Variants in DNAJC12 observed in about 807,000 individuals in gnomAD.
DNAJC12 encodes dnaJ homolog subfamily C member 12.
Under a neutral mutation model 28.5 loss-of-function variants are expected in DNAJC12, and 25 were observed. The ratio of observed to expected loss-of-function variants is 0.88; its 90% CI spans 0.64 to 1.22. The LOEUF (loss-of-function observed/expected upper bound fraction) is 1.22, where lower values mean the gene tolerates loss of function less well. DNAJC12 is among the 50% of genes most tolerant of loss of function. The probability of loss-of-function intolerance (pLI) is 0.00; values close to 1 mark genes in which losing one functional copy is unlikely to be tolerated. For synonymous variants in DNAJC12, 77 were observed against 80.6 expected, an observed-to-expected ratio of 0.95 and a Z score of 0.24; for missense variants, 222 against 231.7, an observed-to-expected ratio of 0.96 and a Z score of 0.27.
chr10:67,814,033 T>G (rs1288942154), intron 2 of DNAJC12, among the ~76,000 whole-genome samples: 1 of 103,862 alleles, frequency 9.6e-6, no homozygotes, highest in Non-Finnish European at 2.5e-5. Flanking sequence ...GACCCAGAAT[T>G]GCCAAAAAAA....
intron 2 of DNAJC12, chr10:67,816,058 T>A (rs1446542349): frequency 5.0e-6 from 2 of 398,354 alleles, no homozygotes; most frequent in South Asian, 1.3e-4. Context: ...GGAAGAGAGA[T>A]CTCATTTTGT....
intron 1 of DNAJC12, among the ~76,000 whole-genome samples, chr10:67,837,702 A>C (rs1334805342): frequency 6.6e-6 from 1 of 152,212 alleles, no homozygotes; most frequent in Non-Finnish European, 1.5e-5. Flanking sequence ...GCCAGAATAC[A>C]CATATTTAAT....
At position 67,810,179 on chromosome 10, in the gene DNAJC12, T is replaced by G. The variant is rs1237361422; in HGVS notation, c.297+1345A>C. Among the ~76,000 whole-genome samples the G allele has an allele frequency of 2.0e-5, 3 of 152,170 alleles. No individual in the cohort carries two copies. In the East Asian group the frequency reaches 5.8e-4, roughly 29 times the overall value. On this transcript the variant is annotated intron_variant, in intron 3 of 4. Transcript: ENST00000225171. The stretch of plus-strand genomic sequence containing the variant: ...GCAGGAAAGAGAGAGAAGGTAGAAC[T>G]GCCACATACTTTTAAACCATCAGAT...
chr10:67,819,660 GAGAAAGAAAGAA>G lies in DNAJC12; in HGVS notation c.157+3642_157+3653del, dbSNP rs60688341. On this transcript the variant is annotated intron_variant, in intron 2 of 4. Coordinates refer to ENST00000225171, the MANE Select transcript of DNAJC12 (RefSeq NM_021800.3). ...ACAAAAAAAGAAAGAAAGAAAGAAA[GAGAAAGAAAGAA>G]AGAAAGAAAGAAAGAAAGAAAGAAA... Among the ~76,000 whole-genome samples, 279 of 34,900 alleles carry G rather than the reference GAGAAAGAAAGAA, an allele frequency of 8.0e-3. 8 individuals are homozygous for G. The highest frequency in any genetic ancestry group is 0.031 in the East Asian group (38 of 1,218). The allele number at this position is 34,900 out of a possible 152,430, so 22.9% of individuals were successfully genotyped here. A position where few individuals can be genotyped will look rare whatever the true frequency, so the allele number is the denominator to read the frequency against.
chr10:67,801,836 CTTTTTTTTTTTTTTTTTTTTT>C (rs577511924), intron 4 of DNAJC12, among the ~76,000 whole-genome samples: 7 of 26,136 alleles, frequency 2.7e-4, no homozygotes, highest in African/African-American at 6.6e-4. Context: ...CCACTTCATT[CTTTTTTTTTTTTTTTTTTTTT>C]TTTTTTTTTT....
intron 1 of DNAJC12, among the ~76,000 whole-genome samples, chr10:67,831,967 C>G (rs758766650): frequency 6.6e-6 from 1 of 152,094 alleles, no homozygotes; most frequent in Non-Finnish European, 1.5e-5. Context: ...AAATGTGCTG[C>G]AGAAAAGAGA....
At chr10:67,808,964 C>T (rs1373788781) in intron 3 of DNAJC12, among the ~76,000 whole-genome samples, 1 of 152,124 alleles carries the variant, frequency 6.6e-6, no homozygotes, top group African/African-American at 2.4e-5. Context: ...GCCAGTTGAA[C>T]CCACCCCAAA....
chr10:67,828,674 C>CTATATA (rs71483912), intron 1 of DNAJC12, among the ~76,000 whole-genome samples: 2 of 150,538 alleles, frequency 1.3e-5, no homozygotes, highest in Non-Finnish European at 3.0e-5. Flanking sequence ...CTCTCTCTCT[C>CTATATA]TATATATATA....
At chr10:67,835,622 G>A (rs1203655770) in intron 1 of DNAJC12, among the ~76,000 whole-genome samples, 10 of 151,486 alleles carry the variant, frequency 6.6e-5, no homozygotes, top group Admixed American at 2.0e-4. Context: ...CCTGGGAGGC[G>A]GAGGTTGCAG....
intron 2 of DNAJC12, among the ~76,000 whole-genome samples, chr10:67,820,850 C>T (rs1304828878): frequency 7.5e-6 from 1 of 134,034 alleles, no homozygotes; most frequent in Non-Finnish European, 1.5e-5. Context: ...ATGGCGCAAG[C>T]TCTGCTCACC....
At chr10:67,816,329 CT>C (rs887000748) in intron 2 of DNAJC12, among the ~76,000 whole-genome samples, 8 of 151,798 alleles carry the variant, frequency 5.3e-5, no homozygotes, top group African/African-American at 1.7e-4. Flanking sequence ...TAAAAGCAAA[CT>C]TTTTCTTCCA....
chr10:67,831,081 G>A (rs1326337672), intron 1 of DNAJC12, among the ~76,000 whole-genome samples: 3 of 152,104 alleles, frequency 2.0e-5, no homozygotes, highest in Admixed American at 1.3e-4. Context: ...CCAGCTACTT[G>A]GGAGGCTGAG....
intron 2 of DNAJC12, among the ~76,000 whole-genome samples, chr10:67,816,945 G>A (rs1357686407): frequency 1.3e-5 from 2 of 152,140 alleles, no homozygotes; most frequent in African/African-American, 4.8e-5. Flanking sequence ...CACCAGCCAG[G>A]AGCTCTGGGG....
intron 1 of DNAJC12, among the ~76,000 whole-genome samples, chr10:67,837,453 T>A (rs1388876023): frequency 1.3e-5 from 2 of 152,182 alleles, no homozygotes; most frequent in African/African-American, 4.8e-5. Context: ...CAATTTGAAA[T>A]ATTAACATAA....
At chr10:67,802,526 C>T (rs999530576) in intron 4 of DNAJC12, among the ~76,000 whole-genome samples, 14 of 152,174 alleles carry the variant, frequency 9.2e-5, no homozygotes, top group African/African-American at 3.4e-4. Flanking sequence ...ATAAAACCCC[C>T]AACATTTTAT....
At chr10:67,812,625 C>T (rs961933169) in intron 2 of DNAJC12, among the ~76,000 whole-genome samples, 1 of 148,592 alleles carries the variant, frequency 6.7e-6, no homozygotes, top group Non-Finnish European at 1.5e-5. Context: ...GGGTGGATCA[C>T]GAGGTCAGGA....
At chr10:67,819,780 GGAAGGA>G (rs1841964991) in intron 2 of DNAJC12, among the ~76,000 whole-genome samples, 1 of 1,496 alleles carries the variant, frequency 6.7e-4, no homozygotes. Flanking sequence ...GGAAGGAAGG[GGAAGGA>G]AGGAAGGAAG....
At chr10:67,819,636 C>CA (rs1380324776) in intron 2 of DNAJC12, among the ~76,000 whole-genome samples, 2 of 126,684 alleles carry the variant, frequency 1.6e-5, no homozygotes, top group African/African-American at 3.0e-5. Flanking sequence ...GAGACTGTCA[C>CA]AAAAAAAGAA....
chr10:67,827,833 A>G (rs1270549190), intron 1 of DNAJC12: 1 of 152,224 alleles, frequency 6.6e-6, no homozygotes, highest in Non-Finnish European at 1.5e-5. Flanking sequence ...AAATTAAGAA[A>G]GTCTATATCT....
Sources: allele counts gnomAD v4.1 joint callset (sites outside exome capture counted in the v4.1 genomes callset), GRCh38; gene constraint gnomAD v4.1.1; transcripts MANE v1.5; gene names NCBI Gene and HGNC (gene_info 2026-07-23, HGNC 2026-07-21).